CNTNAP2: variants seen among roughly 807,000 people sequenced by gnomAD.
CNTNAP2 encodes the protein contactin associated protein 2, also known as contactin-associated protein-like 2.
A neutral mutation model predicts 155.2 loss-of-function variants in CNTNAP2; 98 were observed. The observed-to-expected ratio is 0.63, with a 90% CI of 0.54 to 0.75. The LOEUF is 0.75. Ranked by LOEUF, CNTNAP2 falls within the 30% of genes least tolerant of loss-of-function variation. The probability of loss-of-function intolerance (pLI) is 0.00; values close to 1 mark genes in which losing one functional copy is unlikely to be tolerated. For missense variants in CNTNAP2, 1,727 were observed against 1,688.1 expected (o/e 1.02, Z -0.40); for synonymous variants, 651 against 631.2 (o/e 1.03, Z -0.47).
intron 3 of CNTNAP2, among the ~76,000 whole-genome samples, chr7:146,956,914 A>C (rs897042974): frequency 4.6e-5 from 7 of 152,200 alleles, no homozygotes; most frequent in Non-Finnish European, 1.0e-4. Flanking sequence ...ATTAAGAGAA[A>C]AAGATTAAAA....
At chr7:147,552,655 G>A (rs1013586172) in intron 11 of CNTNAP2, among the ~76,000 whole-genome samples, 2 of 151,598 alleles carry the variant, frequency 1.3e-5, no homozygotes, top group Admixed American at 6.6e-5. Flanking sequence ...CATTTCCTTA[G>A]TGAATCACAT....
At chr7:147,776,511 A>G (rs1433103766) in intron 13 of CNTNAP2, among the ~76,000 whole-genome samples, 1 of 152,182 alleles carries the variant, frequency 6.6e-6, no homozygotes, top group African/African-American at 2.4e-5. Flanking sequence ...TGGCTGTCTT[A>G]AAAAGTCAGC....
intron 15 of CNTNAP2, among the ~76,000 whole-genome samples, chr7:148,048,953 T>C (rs1802829936): frequency 2.0e-5 from 3 of 152,206 alleles, no homozygotes; most frequent in Admixed American, 2.0e-4. Flanking sequence ...GGCTCGTGCC[T>C]GTAATCCCAG....
At chr7:146,492,842 A>G (rs1407593274) in intron 1 of CNTNAP2, among the ~76,000 whole-genome samples, 1 of 152,198 alleles carries the variant, frequency 6.6e-6, no homozygotes, top group Non-Finnish European at 1.5e-5. Context: ...AGCAGCTAAA[A>G]TCTACTCATT....
chr7:146,335,768 A>G (rs1801263879), intron 1 of CNTNAP2, among the ~76,000 whole-genome samples: 1 of 152,174 alleles, frequency 6.6e-6, no homozygotes, highest in African/African-American at 2.4e-5. Flanking sequence ...TTCCACACAC[A>G]ATCTGAATGT....
At chr7:147,422,395 C>T (rs2116511042) in intron 10 of CNTNAP2, among the ~76,000 whole-genome samples, 1 of 151,418 alleles carries the variant, frequency 6.6e-6, no homozygotes, top group Non-Finnish European at 1.5e-5. Context: ...TGTATATATA[C>T]ATACTATATA....
At chr7:147,141,715 G>T (rs927885976) in intron 8 of CNTNAP2, among the ~76,000 whole-genome samples, 7 of 152,026 alleles carry the variant, frequency 4.6e-5, no homozygotes, top group African/African-American at 1.7e-4. Flanking sequence ...GATCACACAG[G>T]ATCAGGTACT....
chr7:147,341,818 C>T (rs1236079002), intron 9 of CNTNAP2, among the ~76,000 whole-genome samples: 3 of 150,420 alleles, frequency 2.0e-5, no homozygotes, highest in African/African-American at 4.9e-5. Context: ...TACAACACAT[C>T]TAAATATAAG....
At chr7:147,255,047 CCTG>C (rs1274189676) in intron 8 of CNTNAP2, among the ~76,000 whole-genome samples, 1 of 152,124 alleles carries the variant, frequency 6.6e-6, no homozygotes, top group African/African-American at 2.4e-5. Context: ...GGGGAAAAAA[CCTG>C]CAGCAAGAAG....
chr7:146,748,143 C>CT (rs61495352), intron 1 of CNTNAP2, among the ~76,000 whole-genome samples: 9,539 of 97,968 alleles, frequency 0.097, 1,067 homozygotes, highest in African/African-American at 0.24. Context: ...CTTTTCTTTT[C>CT]TTTTTTTTTT....
intron 4 of CNTNAP2, among the ~76,000 whole-genome samples, chr7:147,072,223 T>C (rs1799905915): frequency 6.6e-6 from 1 of 151,780 alleles, no homozygotes; most frequent in Admixed American, 6.6e-5. Context: ...ACAAGGCTGG[T>C]GTGGCTGCAG....
intron 10 of CNTNAP2, among the ~76,000 whole-genome samples, chr7:147,414,918 G>A (rs557483741): frequency 1.5e-5 from 2 of 129,130 alleles, no homozygotes; most frequent in Admixed American, 9.1e-5. Flanking sequence ...CTCCAGCCTG[G>A]GTGAAAGAGA....
chr7:146,635,739 G>C (rs2129159827), intron 1 of CNTNAP2, among the ~76,000 whole-genome samples: 1 of 152,150 alleles, frequency 6.6e-6, no homozygotes, highest in Non-Finnish European at 1.5e-5. Context: ...ATAAGAAGCA[G>C]GGAGTGCTGC....
chr7:148,164,465 C>T (rs1805610951), intron 17 of CNTNAP2, among the ~76,000 whole-genome samples: 2 of 152,152 alleles, frequency 1.3e-5, no homozygotes, highest in Admixed American at 1.3e-4. Context: ...AGTCCTAGCT[C>T]TTTTTCCCAC....
intron 8 of CNTNAP2, among the ~76,000 whole-genome samples, chr7:147,273,204 G>A (rs1260015323): frequency 2.0e-5 from 3 of 152,046 alleles, no homozygotes; most frequent in Non-Finnish European, 4.4e-5. Flanking sequence ...ACTTCGCGCC[G>A]AAATTTACAG....
intron 16 of CNTNAP2, among the ~76,000 whole-genome samples, chr7:148,133,358 A>C (rs2116631343): frequency 6.6e-6 from 1 of 152,274 alleles, no homozygotes; most frequent in East Asian, 1.9e-4. Context: ...ACTACTCAGG[A>C]GGCTGAGGCA....
At chr7:146,770,255 G>A (rs1179381595) in intron 1 of CNTNAP2, among the ~76,000 whole-genome samples, 1 of 151,522 alleles carries the variant, frequency 6.6e-6, no homozygotes, top group African/African-American at 2.4e-5. Context: ...ATGTATGTGT[G>A]TGTGTGCATA....
intron 10 of CNTNAP2, among the ~76,000 whole-genome samples, chr7:147,482,221 G>C (rs749658015): frequency 6.6e-6 from 1 of 152,032 alleles, no homozygotes; most frequent in Non-Finnish European, 1.5e-5. Flanking sequence ...TAGTTCTGTG[G>C]AAATACAGAA....
intron 18 of CNTNAP2, among the ~76,000 whole-genome samples, chr7:148,197,330 C>A (rs972160227): frequency 3.9e-5 from 6 of 152,122 alleles, no homozygotes; most frequent in African/African-American, 1.4e-4. Flanking sequence ...TAGATGATTC[C>A]GTGAAAAAAT....
Sources: allele counts gnomAD v4.1 joint callset (sites outside exome capture counted in the v4.1 genomes callset), GRCh38; gene constraint gnomAD v4.1.1; transcripts MANE v1.5; gene names NCBI Gene and HGNC (gene_info 2026-07-23, HGNC 2026-07-21).